ANKLE2: variants seen among roughly 807,000 people sequenced by gnomAD.
ANKLE2 encodes the protein ankyrin repeat and LEM domain containing 2.
Under a neutral mutation model 84.2 loss-of-function variants are expected in ANKLE2, and 55 were observed. The ratio of observed to expected loss-of-function variants is 0.65; its 90% confidence interval spans 0.53 to 0.82. The LOEUF is 0.82. ANKLE2 is among the 40% of genes least tolerant of loss of function. The probability of loss-of-function intolerance (pLI) is 0.00; values close to 1 mark genes in which losing one functional copy is unlikely to be tolerated. For missense variants in ANKLE2, 1,238 were observed against 1,201.9 expected (o/e 1.03, Z -0.44); for synonymous variants, 551 against 486.1 (o/e 1.13, Z -1.76).
At chr12:132,760,732 G>A (rs1593191547) in intron 1 of ANKLE2, 3 of 152,246 alleles carry the variant, frequency 2.0e-5, no homozygotes, top group African/African-American at 4.8e-5. Flanking sequence ...CTATCTGGAA[G>A]CTCCCTGAAC....
At position 132,726,087 on chromosome 12, in the gene ANKLE2, G is replaced by A. The variant is rs574688754; in HGVS notation, c.*1155C>T. 26 of 152,400 alleles carry A rather than the reference G, an allele frequency of 1.7e-4. No homozygotes were observed. The highest frequency in any genetic ancestry group is 6.0e-4 in the African/African-American group (25 of 41,570). 9.4% of individuals were successfully genotyped at this position (152,400 alleles called of 1,614,324 possible). A position where few individuals can be genotyped will look rare whatever the true frequency, so the allele number is the denominator to read the frequency against. On this transcript the variant is annotated 3_prime_UTR_variant, in exon 13 of 13. Transcript: ENST00000357997. ...GAAATTTAAAAATGATTTATAAAAGGCACTGAAGTTAGCAAAAGCATTGGT... is the reference window on the plus strand; with the variant it reads ...GAAATTTAAAAATGATTTATAAAAGACACTGAAGTTAGCAAAAGCATTGGT...
At position 132,725,588 on chromosome 12, in the gene ANKLE2, C is replaced by A. The variant is rs1307718874; in HGVS notation, c.*1654G>T. 1.3e-5 allele frequency: 2 copies of A among 152,230 alleles called. No homozygotes were observed. Among genetic ancestry groups the A allele is most frequent in the Non-Finnish European group, 2.9e-5 (2 of 68,044 alleles). 9.4% of individuals were successfully genotyped at this position (152,230 alleles called of 1,614,324 possible). ...AGAATGCCTCCGTTGGGACTGGAAT[C>A]GCTGCCCACAAACAAACGGAGAAAC... On this transcript the variant is annotated 3_prime_UTR_variant, in exon 13 of 13. Transcript: ENST00000357997.
At chr12:132,735,130 T>C in intron 9 of ANKLE2, 1 of 484,016 alleles carries the variant, frequency 2.1e-6, no homozygotes, top group Non-Finnish European at 3.7e-6. Context: ...CTATAAAATA[T>C]TAAGGTTCCT....
chr12:132,736,836 G>A (rs2044019013), intron 8 of ANKLE2, 57 bp downstream of exon 8: 2 of 1,524,880 alleles, frequency 1.3e-6, no homozygotes, highest in Non-Finnish European at 1.8e-6. Context: ...GGAACACCCA[G>A]CAGCACAGTA....
In ANKLE2 at chr12:132,761,811, G is replaced by C; in HGVS notation, c.-13C>G. ...GCGGCCACAGCATCGCCGCCGCCCG[G>C]GCCGCAGCCGCCGAGAAGCCCGCGC... is the stretch of plus-strand genomic sequence containing the variant. On this transcript the variant is annotated 5_prime_UTR_variant, in exon 1 of 13. Coordinates refer to ENST00000357997, the MANE Select transcript of ANKLE2 (RefSeq NM_015114.3). The C allele has an allele frequency of 9.7e-7, 1 of 1,036,208 alleles. No homozygotes were observed. The highest frequency in any genetic ancestry group is 1.2e-6 in the Non-Finnish European group (1 of 865,704). 64.2% of individuals were successfully genotyped at this position (1,036,208 alleles called of 1,614,324 possible).
chr12:132,759,298 T>G (rs1299798267), intron 1 of ANKLE2: 1 of 152,250 alleles, frequency 6.6e-6, no homozygotes, highest in African/African-American at 2.4e-5. Context: ...CCATTTGAGT[T>G]ATTTCAGTTT....
chr12:132,736,557 G>A (rs1464296902), intron 8 of ANKLE2, among the ~76,000 whole-genome samples: 2 of 124,728 alleles, frequency 1.6e-5, no homozygotes, highest in Admixed American at 1.6e-4. Flanking sequence ...GGGCAGCCTC[G>A]CTACACCAGC....
intron 1 of ANKLE2, chr12:132,755,567 C>T (rs11147048): frequency 0.53 from 78,006 of 147,096 alleles, 20,730 homozygotes; most frequent in African/African-American, 0.59. Flanking sequence ...AAGAATTTTT[C>T]TTTTTTTTTT....
chr12:132,746,964 A>C (rs1037188312), intron 5 of ANKLE2, among the ~76,000 whole-genome samples: 3 of 152,200 alleles, frequency 2.0e-5, no homozygotes, highest in Non-Finnish European at 2.9e-5. Context: ...GGAGGGGCTA[A>C]GAGAAGGAAA....
At chr12:132,751,530 G>A (rs1055427504) in intron 2 of ANKLE2, among the ~76,000 whole-genome samples, 1 of 145,836 alleles carries the variant, frequency 6.9e-6, no homozygotes, top group Non-Finnish European at 1.5e-5. Context: ...TGTCAGCCAC[G>A]GCGCCCAGCC....
At chr12:132,741,026 G>C (rs73487125) in intron 7 of ANKLE2, among the ~76,000 whole-genome samples, 268 of 152,256 alleles carry the variant, frequency 1.8e-3, no homozygotes, top group African/African-American at 4.5e-3. Context: ...CCCAGCCAAG[G>C]AGCTCTGGAC....
At position 132,725,804 on chromosome 12, in the gene ANKLE2, A is replaced by G. The variant is rs2043689236; in HGVS notation, c.*1438T>C. ...TTTGAGAACCAAGGTGCCTTTTAAA[A>G]TGCGGCTTTTTAGAATAGCATGTGT... is the stretch of plus-strand genomic sequence containing the variant. On this transcript the variant is annotated 3_prime_UTR_variant, in exon 13 of 13. Transcript: ENST00000357997. 1 of 152,274 alleles carries G rather than the reference A, an allele frequency of 6.6e-6. No individual in the cohort carries two copies. Among genetic ancestry groups the G allele is most frequent in the South Asian group, 2.1e-4 (1 of 4,836 alleles). The allele number at this position is 152,274 out of a possible 1,614,324, so 9.4% of individuals were successfully genotyped here.
chr12:132,753,804 G>A (rs1211636167), intron 2 of ANKLE2, among the ~76,000 whole-genome samples: 1 of 151,974 alleles, frequency 6.6e-6, no homozygotes, highest in African/African-American at 2.4e-5. Context: ...GGTGGCGTAT[G>A]CCTGTGGTCC....
Position 132,731,127 on chromosome 12 carries a change from G to C in ANKLE2, c.1892-857C>G, listed in dbSNP as rs996680507. On this transcript the variant is annotated intron_variant, in intron 10 of 12. Transcript: ENST00000357997. ...CCGTTTGGTGTTCACGATGGTGGCC[G>C]CGGCCACAGGAGGATCCAGAACACT... 4.6e-5 allele frequency: 7 copies of C among 152,350 alleles called. No homozygotes were observed. The East Asian group carries it at 1.2e-3, about 25-fold the overall frequency. The allele number at this position is 152,350 out of a possible 1,614,324, so 9.4% of individuals were successfully genotyped here. A position where few individuals can be genotyped will look rare whatever the true frequency, so the allele number is the denominator to read the frequency against.
At chr12:132,742,438 C>T (rs931708611) in intron 6 of ANKLE2, 2 of 153,154 alleles carry the variant, frequency 1.3e-5, no homozygotes, top group Non-Finnish European at 2.9e-5. Flanking sequence ...AGACAAGGGA[C>T]AGCTCACAGC....
At chr12:132,748,422 CCA>C (rs1266177535) in intron 3 of ANKLE2, 91 bp from the exon 4 acceptor site, 2 of 1,460,626 alleles carry the variant, frequency 1.4e-6, no homozygotes, top group Admixed American at 3.7e-5. Flanking sequence ...AAGCAGCTTT[CCA>C]CAGAGGCTTC....
At position 132,727,211 on chromosome 12, in the gene ANKLE2, T is replaced by C. The variant is rs767797895; in HGVS notation, c.*31A>G. 6.6e-7 allele frequency: 1 copy of C among 1,504,414 alleles called. No individual in the cohort carries two copies. The highest frequency in any genetic ancestry group is 1.3e-5 in the South Asian group (1 of 79,856). The allele number at this position is 1,504,414 out of a possible 1,614,324, so 93.2% of individuals were successfully genotyped here. A position where few individuals can be genotyped will look rare whatever the true frequency, so the allele number is the denominator to read the frequency against. ...CATATGACCCTTCCTTCTTTAAAAA[T>C]GAAGAACAAACCGAGAGCCCAGCGC... On this transcript the variant is annotated 3_prime_UTR_variant, in exon 13 of 13. Coordinates refer to ENST00000357997, the MANE Select transcript of ANKLE2 (RefSeq NM_015114.3).
rs148114303 is a variant in ANKLE2, at chr12:132,726,943, C to T, written c.*299G>A. ...GGCTGCCTGCCTGCAACTGCCTCAG[C>T]GCCCTTTCCTCTGCTATATTTCAGA... On this transcript the variant is annotated 3_prime_UTR_variant, in exon 13 of 13. Transcript: ENST00000357997. The T allele has an allele frequency of 3.1e-4, 121 of 392,556 alleles. No homozygotes were observed. The highest frequency in any genetic ancestry group is 5.0e-4 in the Non-Finnish European group (110 of 217,936). The allele number at this position is 392,556 out of a possible 1,614,324, so 24.3% of individuals were successfully genotyped here.
At position 132,761,763 on chromosome 12, in the gene ANKLE2, C is replaced by T. The variant is rs2044631906; in HGVS notation, c.36G>A (p.Ala12=). The change falls in exon 1 of 13, where the codon GCG becomes GCA. Residue 12 remains alanine, a synonymous_variant. Transcript: ENST00000357997. ...LWPRLAAAEW[A]ALAWELLGAS... ...CGCCCAGCAGCTCCCAGGCCAGCGC[C>T]GCCCACTCGGCCGCCGCCAGCCGCG... 2 of 1,195,084 alleles carry T rather than the reference C, an allele frequency of 1.7e-6. No individual in the cohort carries two copies. Among genetic ancestry groups the T allele is most frequent in the African/African-American group, 1.6e-5 (1 of 62,152 alleles). The allele number at this position is 1,195,084 out of a possible 1,614,324, so 74.0% of individuals were successfully genotyped here.
Sources: gnomAD v4.1 joint callset for allele counts (sites outside exome capture counted in the v4.1 genomes callset) on GRCh38, gnomAD v4.1.1 for gene constraint, MANE v1.5 for transcripts, NCBI Gene and HGNC (gene_info 2026-07-23, HGNC 2026-07-21) for gene names.